The following SCHIP1 variants were observed in gnomAD, a reference collection of about 807,000 sequenced individuals.
SCHIP1 encodes schwannomin-interacting protein 1.
In SCHIP1, 8 loss-of-function variants were observed where a neutral mutation model predicts 29.7. The ratio of observed to expected loss-of-function variants is 0.27; its 90% CI spans 0.16 to 0.49. The LOEUF (loss-of-function observed/expected upper bound fraction) is 0.49. Ranked by LOEUF, SCHIP1 falls within the 20% of genes least tolerant of loss-of-function variation. The pLI is 0.99. For missense variants in SCHIP1, 193 were observed against 294.6 expected, an observed-to-expected ratio of 0.66 and a Z score of 2.52; for synonymous variants, 76 against 94.9, an observed-to-expected ratio of 0.80 and a Z score of 1.16.
At chr3:159,496,522 C>T in the SCHIP1 span, among the ~76,000 whole-genome samples, 2 of 152,118 alleles carry the variant, frequency 1.3e-5, no homozygotes, top group Non-Finnish European at 2.9e-5. Context: ...CATCACTGGC[C>T]ATCAGAGAAA....
At chr3:159,726,077 C>A in the SCHIP1 span, among the ~76,000 whole-genome samples, 1 of 152,228 alleles carries the variant, frequency 6.6e-6, no homozygotes, top group African/African-American at 2.4e-5. Context: ...ACCCTTGCAA[C>A]CTTTGAAGTT....
chr3:159,754,550 T>G, the SCHIP1 span, among the ~76,000 whole-genome samples: 2 of 152,256 alleles, frequency 1.3e-5, no homozygotes, highest in African/African-American at 4.8e-5. Flanking sequence ...TAGCTTCATC[T>G]GAAGGCTTGC....
At chr3:159,769,877 C>T in the SCHIP1 span, among the ~76,000 whole-genome samples, 1 of 152,198 alleles carries the variant, frequency 6.6e-6, no homozygotes, top group African/African-American at 2.4e-5. Context: ...TGTGTTTTGA[C>T]ACACCTGTGA....
At chr3:159,470,874 G>A in the SCHIP1 span, among the ~76,000 whole-genome samples, 1 of 152,148 alleles carries the variant, frequency 6.6e-6, no homozygotes, top group South Asian at 2.1e-4. Context: ...ATACTAAGAT[G>A]AAGAAACCAG....
chr3:159,446,708 A>T, the SCHIP1 span, among the ~76,000 whole-genome samples: 1 of 152,218 alleles, frequency 6.6e-6, no homozygotes, highest in Non-Finnish European at 1.5e-5. Context: ...TAGTTCAGTG[A>T]TTAGGGGTCA....
At chr3:159,491,031 T>G in the SCHIP1 span, among the ~76,000 whole-genome samples, 1 of 152,222 alleles carries the variant, frequency 6.6e-6, no homozygotes, top group Non-Finnish European at 1.5e-5. Context: ...ATTAGTAGTT[T>G]GGACATAGAC....
At chr3:159,360,512 C>A in the SCHIP1 span, among the ~76,000 whole-genome samples, 1 of 152,066 alleles carries the variant, frequency 6.6e-6, no homozygotes, top group Non-Finnish European at 1.5e-5. Context: ...TCCAAAATGT[C>A]ATATAAAGGG....
chr3:159,332,334 G>A, the SCHIP1 span, among the ~76,000 whole-genome samples: 2 of 152,152 alleles, frequency 1.3e-5, no homozygotes, highest in African/African-American at 4.8e-5. Context: ...TTGAGGTCAG[G>A]TAGGCCAAAC....
At chr3:159,691,567 T>A in the SCHIP1 span, among the ~76,000 whole-genome samples, 6 of 152,180 alleles carry the variant, frequency 3.9e-5, no homozygotes, top group South Asian at 1.2e-3. Flanking sequence ...CGCCAGTCTG[T>A]GTCTTTTAAT....
chr3:159,632,759 G>A, the SCHIP1 span, among the ~76,000 whole-genome samples: 2 of 152,182 alleles, frequency 1.3e-5, no homozygotes, highest in Non-Finnish European at 2.9e-5. Context: ...GGGGAGGACG[G>A]ACTATGATGA....
chr3:159,611,566 A>G, the SCHIP1 span, among the ~76,000 whole-genome samples: 2 of 151,808 alleles, frequency 1.3e-5, no homozygotes, highest in Non-Finnish European at 2.9e-5. Context: ...CATTAGGACA[A>G]ATACCTAATG....
At chr3:159,440,056 A>G in the SCHIP1 span, among the ~76,000 whole-genome samples, 4 of 152,066 alleles carry the variant, frequency 2.6e-5, no homozygotes, top group Non-Finnish European at 5.9e-5. Flanking sequence ...TAAGACTTTA[A>G]TCTATCTTAA....
At chr3:159,443,493 C>A in the SCHIP1 span, among the ~76,000 whole-genome samples, 9 of 152,122 alleles carry the variant, frequency 5.9e-5, no homozygotes, top group Non-Finnish European at 1.5e-5. Flanking sequence ...CCAGCCAGCC[C>A]TGATGGTTCC....
At chr3:159,657,501 T>A in the SCHIP1 span, among the ~76,000 whole-genome samples, 2 of 152,248 alleles carry the variant, frequency 1.3e-5, no homozygotes, top group Admixed American at 1.3e-4. Flanking sequence ...CAGTCTAAAC[T>A]GACCAATAAA....
chr3:159,526,500 G>T, the SCHIP1 span, among the ~76,000 whole-genome samples: 1 of 152,212 alleles, frequency 6.6e-6, no homozygotes, highest in East Asian at 1.9e-4. Context: ...GTATTAAAGG[G>T]TTTAAAGTTG....
the SCHIP1 span, among the ~76,000 whole-genome samples, chr3:159,736,236 A>G: frequency 6.6e-6 from 1 of 152,204 alleles, no homozygotes; most frequent in African/African-American, 2.4e-5. Flanking sequence ...GCAACCATAG[A>G]CCTGCTACAG....
At chr3:159,890,035 C>A (rs1405090057) in intron 5 of SCHIP1, among the ~76,000 whole-genome samples, 1 of 151,070 alleles carries the variant, frequency 6.6e-6, no homozygotes, top group Non-Finnish European at 1.5e-5. Context: ...GCGGAGCTTG[C>A]AGTGAGCCGA....
At position 159,874,057 on chromosome 3, in the gene SCHIP1, C is replaced by G. The variant is rs1001513545; in HGVS notation, c.149+7776C>G. 2.0e-5 allele frequency among the ~76,000 whole-genome samples: 3 copies of G among 152,126 alleles called. No homozygotes were observed. In the East Asian group the frequency reaches 5.8e-4, roughly 29 times the overall value. On this transcript the variant is annotated intron_variant, in intron 2 of 6. Coordinates refer to ENST00000445224, the Ensembl canonical transcript of SCHIP1. Reference sequence around the variant, plus strand: ...CTTTATTAATAGATATCTGGGAAATCTTTTATTTTTTAAACATTACAACCT... The same window carrying G: ...CTTTATTAATAGATATCTGGGAAATGTTTTATTTTTTAAACATTACAACCT...
the SCHIP1 span, among the ~76,000 whole-genome samples, chr3:159,436,962 CCTT>C: frequency 6.6e-6 from 1 of 152,006 alleles, no homozygotes; most frequent in Admixed American, 6.6e-5. Context: ...GTGATCAACT[CCTT>C]CTAATTCTTA....
Sources: gnomAD v4.1 joint callset for allele counts (sites outside exome capture counted in the v4.1 genomes callset) on GRCh38, gnomAD v4.1.1 for gene constraint, MANE v1.5 for transcripts, NCBI Gene and HGNC (gene_info 2026-07-23, HGNC 2026-07-21) for gene names.